Variants in CDH26 observed in about 807,000 individuals in gnomAD.
CDH26 encodes cadherin 26, also known as cadherin-like protein 26.
A neutral mutation model predicts 90.3 loss-of-function variants in CDH26; 83 were observed. The observed-to-expected ratio is 0.92, with a 90% confidence interval of 0.77 to 1.10. The LOEUF (loss-of-function observed/expected upper bound fraction) is 1.10, where lower values mean the gene tolerates loss of function less well. Among genes scored for constraint, CDH26 ranks in the 50% least tolerant of loss-of-function variants. CDH26 has a pLI of 0.00. For synonymous variants in CDH26, 397 were observed against 396.3 expected (o/e 1.00, Z -0.02); for missense variants, 1,013 against 1,037.6 (o/e 0.98, Z 0.33).
chr20:59,979,620 T>C (rs1321834292), intron 4 of CDH26, among the ~76,000 whole-genome samples: 2 of 115,838 alleles, frequency 1.7e-5, no homozygotes, highest in Non-Finnish European at 3.5e-5. Context: ...TTTTTTTTTT[T>C]TTTTTTTTTT....
chr20:60,031,004 G>C (rs6100691), intron 7 of CDH26, among the ~76,000 whole-genome samples: 1 of 152,210 alleles, frequency 6.6e-6, no homozygotes, highest in Non-Finnish European at 1.5e-5. Context: ...AAGCAGCCTC[G>C]AGGGCTGCTG....
chr20:60,031,239 G>C, exon 8 of CDH26: 5 of 1,217,676 alleles, frequency 4.1e-6, no homozygotes, highest in Non-Finnish European at 5.2e-6. Flanking sequence ...AGTCTAAAGA[G>C]AGAAATCGCT....
Position 59,982,539 on chromosome 20 carries a change from T to G in CDH26, c.394-384T>G, listed in dbSNP as rs150922747. 4.3e-3 allele frequency among the ~76,000 whole-genome samples: 662 copies of G among 152,374 alleles called. 4 individuals are homozygous for G. The highest frequency in any genetic ancestry group is 0.015 in the African/African-American group (634 of 41,584). ...TTCCCAAAAATCTTTAACTGTCTGC[T>G]CTCTGTGATGTTTCAGTAATATTCA... On this transcript the variant is annotated intron_variant, in intron 4 of 17. Transcript: ENST00000348616.
chr20:60,021,415 C>A (rs897691204), intron 7 of CDH26, among the ~76,000 whole-genome samples: 1 of 152,140 alleles, frequency 6.6e-6, no homozygotes, highest in Non-Finnish European at 1.5e-5. Context: ...GCCCACAAAG[C>A]CTTCATATTT....
At chr20:60,019,843 G>A (rs1411509401) in intron 7 of CDH26, among the ~76,000 whole-genome samples, 1 of 152,182 alleles carries the variant, frequency 6.6e-6, no homozygotes, top group Admixed American at 6.5e-5. Flanking sequence ...ATTTTATGGA[G>A]TAGGTTTCAT....
In CDH26 at chr20:60,008,707, G is replaced by T. The variant is rs1271634369; in HGVS notation, c.2295+1920G>T. On this transcript the variant is annotated intron_variant, in intron 17 of 17. Transcript: ENST00000348616. ...CACTGTCTGGGGTTTCCCCAATGTT[G>T]CTTCCTCTGGTTCCTGTCACAGTCC... is the stretch of plus-strand genomic sequence containing the variant. Among the ~76,000 whole-genome samples, 6 of 152,298 alleles carry T rather than the reference G, an allele frequency of 3.9e-5. No homozygotes were observed. In the South Asian group the frequency reaches 1.2e-3, roughly 32 times the overall value.
At chr20:59,963,407 T>G (rs1267815287) in intron 1 of CDH26, among the ~76,000 whole-genome samples, 1 of 152,030 alleles carries the variant, frequency 6.6e-6, no homozygotes, top group Non-Finnish European at 1.5e-5. Flanking sequence ...TGGGCCACCA[T>G]GCCTGGCTAA....
chr20:59,993,613 G>C (rs746413296), intron 10 of CDH26, among the ~76,000 whole-genome samples: 20 of 152,208 alleles, frequency 1.3e-4, no homozygotes, highest in Non-Finnish European at 2.5e-4. Flanking sequence ...TTATGGCTGA[G>C]TAGTATTCCA....
chr20:59,999,544 T>C, intron 13 of CDH26, 42 bp from the exon 14 acceptor site: 1 of 1,515,202 alleles, frequency 6.6e-7, no homozygotes, highest in South Asian at 1.1e-5. Context: ...CTGCTATCTG[T>C]GATTTCAGCC....
chr20:60,002,888 AC>A, intron 16 of CDH26, 22 bp downstream of exon 16: 1 of 1,507,870 alleles, frequency 6.6e-7, no homozygotes, highest in Non-Finnish European at 9.0e-7. Flanking sequence ...TGTAGGTGTT[AC>A]CGTGAACAAA....
chr20:59,971,134 T>C (rs1385493025), intron 3 of CDH26, among the ~76,000 whole-genome samples: 3 of 152,186 alleles, frequency 2.0e-5, no homozygotes, highest in Non-Finnish European at 4.4e-5. Context: ...AAGTGCTGAT[T>C]AAGTTCTGCT....
intron 7 of CDH26, among the ~76,000 whole-genome samples, chr20:59,985,574 G>C (rs1188551245): frequency 6.6e-6 from 1 of 152,066 alleles, no homozygotes; most frequent in Non-Finnish European, 1.5e-5. Context: ...TCTGCCCCAC[G>C]ATCCAAACAC....
chr20:60,000,078 A>G, intron 14 of CDH26, among the ~76,000 whole-genome samples: 2 of 152,344 alleles, frequency 1.3e-5, no homozygotes, highest in Middle Eastern at 6.8e-3. Flanking sequence ...TTACTTGTAT[A>G]AAGAGCAGGC....
intron 1 of CDH26, among the ~76,000 whole-genome samples, chr20:59,962,040 T>C (rs1468741239): frequency 1.3e-5 from 2 of 152,212 alleles, no homozygotes; most frequent in East Asian, 3.8e-4. Flanking sequence ...CTTTCAGCCC[T>C]TCATTTAAGA....
intron 7 of CDH26, among the ~76,000 whole-genome samples, chr20:60,027,795 T>C (rs1229231700): frequency 6.6e-6 from 1 of 152,210 alleles, no homozygotes; most frequent in Non-Finnish European, 1.5e-5. Flanking sequence ...CTGGAAGACC[T>C]GAATTTTTGA....
At chr20:60,002,754 T>A (rs531708651) in intron 15 of CDH26, 59 bp from the exon 16 acceptor site, 1 of 1,339,126 alleles carries the variant, frequency 7.5e-7, no homozygotes, top group African/African-American at 1.4e-5. Flanking sequence ...TTTCTAGTTA[T>A]GTATTTGCAT....
intron 4 of CDH26, among the ~76,000 whole-genome samples, chr20:59,979,361 G>A (rs751379783): frequency 4.0e-5 from 6 of 151,872 alleles, no homozygotes; most frequent in Non-Finnish European, 8.8e-5. Context: ...ACCATGCAAG[G>A]CTAATTTTTT....
intron 16 of CDH26, among the ~76,000 whole-genome samples, chr20:60,005,640 G>A (rs1351686896): frequency 1.3e-5 from 2 of 152,048 alleles, no homozygotes; most frequent in Non-Finnish European, 2.9e-5. Context: ...CAGCCATAAA[G>A]GCCACCAGTG....
intron 7 of CDH26, among the ~76,000 whole-genome samples, 182 bp downstream of exon 7, chr20:59,985,311 G>A (rs1187422600): frequency 1.3e-5 from 2 of 152,174 alleles, no homozygotes; most frequent in Non-Finnish European, 2.9e-5. Context: ...GGCTTTACAG[G>A]AAGCCTGGGG....
Sources: allele counts gnomAD v4.1 joint callset (sites outside exome capture counted in the v4.1 genomes callset), GRCh38; gene constraint gnomAD v4.1.1; transcripts MANE v1.5; gene names NCBI Gene and HGNC (gene_info 2026-07-23, HGNC 2026-07-21).